Variants in ZNF892 observed in about 807,000 individuals in gnomAD.
The protein encoded by ZNF892 is zinc finger protein 892, also known as zinc finger protein 570-like.
chr2:95,248,007 A>G, the ZNF892 span, among the ~76,000 whole-genome samples: 1 of 152,208 alleles, frequency 6.6e-6, no homozygotes, highest in South Asian at 2.1e-4. Flanking sequence ...AGAAGAAAAT[A>G]AATCATTCCA....
At chr2:95,253,888 T>C in the ZNF892 span, among the ~76,000 whole-genome samples, 23 of 152,074 alleles carry the variant, frequency 1.5e-4, no homozygotes, top group South Asian at 1.7e-3. Context: ...ATCTGTCTGT[T>C]ATTGGTGTAT....
the ZNF892 span, among the ~76,000 whole-genome samples, chr2:95,209,822 C>T: frequency 1.3e-5 from 2 of 152,000 alleles, no homozygotes; most frequent in African/African-American, 2.4e-5. Context: ...TTGTACAGAA[C>T]GAAGATGGTG....
chr2:95,218,851 C>A, the ZNF892 span, among the ~76,000 whole-genome samples: 1 of 152,130 alleles, frequency 6.6e-6, no homozygotes, highest in Non-Finnish European at 1.5e-5. Flanking sequence ...GGATTGGGAC[C>A]CCACCTTTAA....
chr2:95,251,196 T>C, the ZNF892 span, among the ~76,000 whole-genome samples: 1 of 152,066 alleles, frequency 6.6e-6, no homozygotes, highest in Non-Finnish European at 1.5e-5. Flanking sequence ...CAAACAGAGA[T>C]CTTACAGTTT....
At chr2:95,230,104 G>A in the ZNF892 span, among the ~76,000 whole-genome samples, 2 of 152,126 alleles carry the variant, frequency 1.3e-5, no homozygotes, top group East Asian at 3.8e-4. Flanking sequence ...TACTCTAAGC[G>A]AAGTAACTCA....
the ZNF892 span, among the ~76,000 whole-genome samples, chr2:95,227,081 T>TTTCTCCTTTC: frequency 1.1e-4 from 17 of 151,964 alleles, 1 homozygote; most frequent in South Asian, 2.1e-4. Context: ...AGGAGGGACC[T>TTTCTCCTTTC]GAGGCTCCTC....
chr2:95,240,501 A>G, the ZNF892 span, among the ~76,000 whole-genome samples: 1 of 152,180 alleles, frequency 6.6e-6, no homozygotes, highest in Non-Finnish European at 1.5e-5. Context: ...AGGGTCCAAT[A>G]CACAAAGCTG....
the ZNF892 span, among the ~76,000 whole-genome samples, chr2:95,225,199 T>A: frequency 6.6e-6 from 1 of 152,220 alleles, no homozygotes; most frequent in African/African-American, 2.4e-5. Flanking sequence ...TTTCCTTTTT[T>A]AAAAAAATCT....
At chr2:95,256,871 C>G in the ZNF892 span, among the ~76,000 whole-genome samples, 6,439 of 152,280 alleles carry the variant, frequency 0.042, 190 homozygotes, top group Non-Finnish European at 0.062. Flanking sequence ...GAATTGGCTA[C>G]TGAGGCTTGT....
the ZNF892 span, among the ~76,000 whole-genome samples, chr2:95,254,893 T>C: frequency 6.6e-6 from 1 of 152,236 alleles, no homozygotes; most frequent in East Asian, 1.9e-4. Flanking sequence ...TATTCTCTGA[T>C]GGTGGTTTGT....
the ZNF892 span, among the ~76,000 whole-genome samples, chr2:95,206,984 T>C: frequency 2.0e-5 from 3 of 152,154 alleles, no homozygotes; most frequent in Non-Finnish European, 2.9e-5. Context: ...CCAGCCTCCT[T>C]GGGGCAGCAA....
the ZNF892 span, among the ~76,000 whole-genome samples, chr2:95,245,984 G>A: frequency 5.3e-5 from 8 of 152,060 alleles, no homozygotes; most frequent in African/African-American, 1.2e-4. Flanking sequence ...CAAAAAAATC[G>A]AAAAGGAGGG....
chr2:95,243,314 G>T, the ZNF892 span, among the ~76,000 whole-genome samples: 2 of 149,058 alleles, frequency 1.3e-5, no homozygotes, highest in African/African-American at 5.0e-5. Flanking sequence ...GCTGCCCATC[G>T]TCTGGGATGT....
At chr2:95,248,402 C>T in the ZNF892 span, among the ~76,000 whole-genome samples, 2 of 152,124 alleles carry the variant, frequency 1.3e-5, no homozygotes, top group Admixed American at 6.6e-5. Context: ...ATGCTCAGCA[C>T]CTTGGTGACA....
At chr2:95,255,901 C>T in the ZNF892 span, among the ~76,000 whole-genome samples, 1 of 152,086 alleles carries the variant, frequency 6.6e-6, no homozygotes, top group Admixed American at 6.6e-5. Flanking sequence ...AGGATTGCAA[C>T]CCCTGCCTTT....
the ZNF892 span, chr2:95,232,206 G>T: frequency 6.6e-6 from 1 of 152,284 alleles, no homozygotes; most frequent in East Asian, 1.9e-4. Context: ...TGCGACTTTC[G>T]ATTTTACCGG....
the ZNF892 span, among the ~76,000 whole-genome samples, chr2:95,227,692 G>A: frequency 6.6e-6 from 1 of 152,012 alleles, no homozygotes; most frequent in Admixed American, 6.6e-5. Flanking sequence ...TCATAGCTCA[G>A]TGTAACCTTG....
At chr2:95,248,098 C>T in the ZNF892 span, among the ~76,000 whole-genome samples, 1 of 152,152 alleles carries the variant, frequency 6.6e-6, no homozygotes, top group African/African-American at 2.4e-5. Context: ...AGGTGCCTAT[C>T]AACAGTGGAT....
the ZNF892 span, among the ~76,000 whole-genome samples, chr2:95,221,811 G>A: frequency 1.2e-4 from 18 of 152,222 alleles, no homozygotes; most frequent in Middle Eastern, 0.014. Flanking sequence ...TTATCAAAGT[G>A]CACAATAAAA....
Sources: allele counts gnomAD v4.1 joint callset (sites outside exome capture counted in the v4.1 genomes callset), GRCh38; gene constraint gnomAD v4.1.1; transcripts MANE v1.5; gene names NCBI Gene and HGNC (gene_info 2026-07-23, HGNC 2026-07-21).